The following MARCHF8 variants were observed in gnomAD, a reference collection of about 807,000 sequenced individuals.
The protein encoded by MARCHF8 is membrane associated ring-CH-type finger 8.
Under a neutral mutation model 51.6 loss-of-function variants are expected in MARCHF8, and 40 were observed. The ratio of observed to expected loss-of-function variants is 0.77; its 90% CI spans 0.60 to 1.01. The LOEUF (loss-of-function observed/expected upper bound fraction) is 1.01, where lower values mean the gene tolerates loss of function less well. Among genes scored for constraint, MARCHF8 ranks in the 50% least tolerant of loss-of-function variants. The pLI is 0.00. For missense variants in MARCHF8, 685 were observed against 708.6 expected (o/e 0.97, Z 0.38); for synonymous variants, 263 against 280.3 (o/e 0.94, Z 0.62).
At chr10:45,555,903 A>G (rs1325247441) in intron 1 of MARCHF8, among the ~76,000 whole-genome samples, 1 of 152,214 alleles carries the variant, frequency 6.6e-6, no homozygotes, top group Non-Finnish European at 1.5e-5. Flanking sequence ...ACTTCCCTGT[A>G]TAAGCTATAC....
chr10:45,508,995 T>C (rs959541932), intron 2 of MARCHF8, among the ~76,000 whole-genome samples: 1 of 152,236 alleles, frequency 6.6e-6, no homozygotes, highest in African/African-American at 2.4e-5. Flanking sequence ...CAGACATCTA[T>C]TTGTTGCTGT....
At chr10:45,504,418 T>C (rs1311760277) in intron 2 of MARCHF8, among the ~76,000 whole-genome samples, 1 of 152,200 alleles carries the variant, frequency 6.6e-6, no homozygotes, top group Non-Finnish European at 1.5e-5. Context: ...CACTCCAGCG[T>C]GGGAAACAAG....
intron 1 of MARCHF8, among the ~76,000 whole-genome samples, chr10:45,572,980 T>TCCC (rs2044448627): frequency 6.6e-6 from 1 of 151,750 alleles, no homozygotes; most frequent in African/African-American, 2.4e-5. Context: ...CGACTGGCCC[T>TCCC]CCCCCACCTG....
Position 45,458,149 on chromosome 10 carries a change from TTA to T in MARCHF8, c.*88_*89del. On this transcript the variant is annotated 3_prime_UTR_variant, in exon 8 of 8. Coordinates refer to ENST00000453424, the MANE Select transcript of MARCHF8 (RefSeq NM_001282866.2). ...ATAGTCACCTGTCCAGTCTATGCTA[TTA>T]AAGGACATAAGAAAGGTATACAATT... The T allele has an allele frequency of 1.5e-6, 2 of 1,303,768 alleles. No homozygotes were observed. Among genetic ancestry groups the T allele is most frequent in the Non-Finnish European group, 2.1e-6 (2 of 951,092 alleles). 80.8% of individuals were successfully genotyped at this position (1,303,768 alleles called of 1,614,324 possible).
chr10:45,511,832 C>G (rs879788903), intron 2 of MARCHF8, among the ~76,000 whole-genome samples: 1 of 151,178 alleles, frequency 6.6e-6, no homozygotes, highest in Non-Finnish European at 1.5e-5. Context: ...GCCGCCACCC[C>G]GTCTGGGAAG....
At chr10:45,505,903 G>A (rs368506404) in intron 2 of MARCHF8, among the ~76,000 whole-genome samples, 3 of 152,158 alleles carry the variant, frequency 2.0e-5, no homozygotes, top group South Asian at 2.1e-4. Flanking sequence ...TTATAATTCT[G>A]TATTTGCCAT....
At chr10:45,467,542 C>A (rs1426015855) in intron 3 of MARCHF8, among the ~76,000 whole-genome samples, 2 of 152,120 alleles carry the variant, frequency 1.3e-5, no homozygotes, top group Non-Finnish European at 2.9e-5. Flanking sequence ...CAACAAAGAC[C>A]TAAAAGACTG....
intron 1 of MARCHF8, among the ~76,000 whole-genome samples, chr10:45,585,707 T>C (rs1403496630): frequency 6.6e-6 from 1 of 152,168 alleles, no homozygotes; most frequent in Non-Finnish European, 1.5e-5. Flanking sequence ...ATAACAGCAC[T>C]TACATTCTAT....
intron 1 of MARCHF8, among the ~76,000 whole-genome samples, chr10:45,583,082 A>C (rs1388756460): frequency 6.6e-6 from 1 of 152,234 alleles, no homozygotes; most frequent in African/African-American, 2.4e-5. Flanking sequence ...AATATTAAAA[A>C]TAGGTATTAT....
At chr10:45,551,948 G>A (rs930262376) in intron 1 of MARCHF8, among the ~76,000 whole-genome samples, 16 of 152,106 alleles carry the variant, frequency 1.1e-4, no homozygotes, top group African/African-American at 3.9e-4. Context: ...ATTCCTTGCA[G>A]GGTACAAAGC....
upstream of MARCHF8, among the ~76,000 whole-genome samples, chr10:45,537,412 G>C (rs58393353): frequency 2.8e-4 from 42 of 152,136 alleles, no homozygotes; most frequent in Non-Finnish European, 3.4e-4. Context: ...CAGCACTTTG[G>C]GGGGCCAAGG....
At chr10:45,570,324 A>G (rs1167629627) in intron 1 of MARCHF8, among the ~76,000 whole-genome samples, 2 of 152,226 alleles carry the variant, frequency 1.3e-5, no homozygotes, top group African/African-American at 4.8e-5. Context: ...ATGATACTGC[A>G]GTATTTATCC....
chr10:45,553,565 A>G (rs145445306), intron 1 of MARCHF8, among the ~76,000 whole-genome samples: 224 of 152,356 alleles, frequency 1.5e-3, no homozygotes, highest in East Asian at 5.0e-3. Flanking sequence ...TGTATATACA[A>G]GGTATTCACT....
At position 45,463,582 on chromosome 10, in the gene MARCHF8, T is replaced by A; in HGVS notation, c.657A>T (p.Ser219=). The change falls in exon 5 of 8, where the codon TCA becomes TCT. Residue 219 remains serine, a synonymous_variant. Coordinates refer to ENST00000453424, the MANE Select transcript of MARCHF8 (RefSeq NM_001282866.2). ...PLGNSKHSCV[S]CLSAGRSTAS... ...CAGTTGAGCGACCGGCAGAAAGGCA[T>A]GAAACACAAGAATGTTTGGAATTGC... 6.4e-7 allele frequency: 1 copy of A among 1,550,674 alleles called. No homozygotes were observed. The highest frequency in any genetic ancestry group is 1.4e-5 in the African/African-American group (1 of 73,196).
chr10:45,513,567 A>C (rs1246561192), intron 2 of MARCHF8, among the ~76,000 whole-genome samples: 1 of 152,146 alleles, frequency 6.6e-6, no homozygotes, highest in Non-Finnish European at 1.5e-5. Context: ...TTACTGATGA[A>C]ATAGTGTATT....
chr10:45,539,408 A>G (rs1490980402), upstream of MARCHF8, among the ~76,000 whole-genome samples: 2 of 152,228 alleles, frequency 1.3e-5, no homozygotes, highest in Non-Finnish European at 2.9e-5. Context: ...AATTAAACGA[A>G]TTAGAGAAGC....
intron 1 of MARCHF8, chr10:45,553,289 T>C (rs1396361811): frequency 6.6e-6 from 1 of 152,184 alleles, no homozygotes; most frequent in East Asian, 1.9e-4. Flanking sequence ...CAATCTACTT[T>C]AAACAGAGTG....
rs1386089124 is a variant in MARCHF8 at position 45,581,771 on chromosome 10, A to C, written c.-79+12464T>G. On this transcript the variant is annotated intron_variant, in intron 1 of 6. Transcript: ENST00000319836. ...TAGCACCCCCACAGTTGTGGCAACT[A>C]AAAACTCAAACTCAAAGTTCCCAGC... Among the ~76,000 whole-genome samples, 3 of 152,160 alleles carry C rather than the reference A, an allele frequency of 2.0e-5. No homozygotes were observed. In the East Asian group the frequency reaches 5.8e-4, roughly 29 times the overall value.
rs2042778823 is a variant in MARCHF8 at position 45,475,898 on chromosome 10, CA to C, written c.154-11572del. Among the ~76,000 whole-genome samples the C allele has an allele frequency of 2.0e-5, 3 of 152,272 alleles. No homozygotes were observed. The East Asian group carries it at 5.8e-4, about 29-fold the overall frequency. The stretch of plus-strand genomic sequence containing the variant: ...GCCAACCTGGTATCCCTGTCCCCAG[CA>C]AAACCTCACTACAGCCTCCACCATA... On this transcript the variant is annotated intron_variant, in intron 3 of 7. Transcript: ENST00000453424.
Sources: gnomAD v4.1 joint callset for allele counts (sites outside exome capture counted in the v4.1 genomes callset) on GRCh38, gnomAD v4.1.1 for gene constraint, MANE v1.5 for transcripts, NCBI Gene and HGNC (gene_info 2026-07-23, HGNC 2026-07-21) for gene names.